Variants in MLPH observed in about 807,000 individuals in gnomAD.
MLPH encodes the protein melanophilin.
MLPH carries 51 observed loss-of-function variants against 72.1 expected under a neutral mutation model. The ratio of observed to expected loss-of-function variants is 0.71; its 90% confidence interval spans 0.56 to 0.89. MLPH has a LOEUF of 0.89. Ranked by LOEUF, MLPH falls within the 40% of genes least tolerant of loss-of-function variation. MLPH has a pLI of 0.00. For synonymous variants in MLPH, 301 were observed against 310.1 expected (o/e 0.97, Z 0.31); for missense variants, 743 against 759.9 (o/e 0.98, Z 0.26).
chr2:237,508,970 T>C (rs2079833422), intron 2 of MLPH, among the ~76,000 whole-genome samples: 1 of 152,220 alleles, frequency 6.6e-6, no homozygotes, highest in South Asian at 2.1e-4. Flanking sequence ...TGGAGCCACG[T>C]GCCGGGCTCT....
At chr2:237,508,553 G>T (rs1371834068) in intron 2 of MLPH, among the ~76,000 whole-genome samples, 16 of 152,170 alleles carry the variant, frequency 1.1e-4, no homozygotes, top group Admixed American at 1.0e-3. Context: ...AAAGGCAAAT[G>T]ATGTCTCAGC....
At chr2:237,517,233 AGGTAGGCGGAGGGGTGGATG>A (rs1276749580) in intron 4 of MLPH, among the ~76,000 whole-genome samples, 1 of 148,582 alleles carries the variant, frequency 6.7e-6, no homozygotes, top group East Asian at 2.1e-4. Flanking sequence ...ATGGATGGAT[AGGTAGGCGGAGGGGTGGATG>A]GGTAGGTGAA....
rs144513868 is a variant in MLPH, at chr2:237,549,319, A to G, written c.1675+41A>G. The G allele has an allele frequency of 0.02, 30,862 of 1,571,348 alleles. 384 individuals carry two copies. Among genetic ancestry groups the G allele is most frequent in the South Asian group, 0.038 (3,450 of 90,256 alleles). Reference sequence around the variant, plus strand: ...TCCCCCACCCCCATGGGCCTGGGAAATGAGCTTCGGGGAGGAAAATGACCA... The same window carrying G: ...TCCCCCACCCCCATGGGCCTGGGAAGTGAGCTTCGGGGAGGAAAATGACCA... On this transcript the variant is annotated intron_variant, in intron 14 of 15. Coordinates refer to ENST00000264605, the MANE Select transcript of MLPH (RefSeq NM_024101.7).
intron 15 of MLPH, chr2:237,553,106 T>C (rs947519975): frequency 1.3e-5 from 6 of 472,074 alleles, no homozygotes; most frequent in East Asian, 6.9e-5. Flanking sequence ...GATGAAGGAG[T>C]GGCCCCAACC....
At chr2:237,513,513 T>G (rs952141232) in intron 4 of MLPH, among the ~76,000 whole-genome samples, 2 of 152,188 alleles carry the variant, frequency 1.3e-5, no homozygotes, top group African/African-American at 4.8e-5. Flanking sequence ...GGTCAGAAAA[T>G]CTCTGTTCCA....
intron 8 of MLPH, among the ~76,000 whole-genome samples, chr2:237,531,909 GA>G (rs907744995): frequency 1.3e-5 from 2 of 150,612 alleles, no homozygotes; most frequent in East Asian, 1.9e-4. Flanking sequence ...TATTCACAGG[GA>G]AAAAAAAAGT....
chr2:237,525,588 C>G lies in MLPH; in HGVS notation c.676-13C>G. 6.2e-7 allele frequency: 1 copy of G among 1,613,868 alleles called. No homozygotes were observed. The highest frequency in any genetic ancestry group is 8.5e-7 in the Non-Finnish European group (1 of 1,179,824). ...AAACCCTGCAGAGGAGGCTGACAGC[C>G]CCATGTGCTTAGTCCCTCACAGATG... On this transcript the variant is annotated splice_polypyrimidine_tract_variant and intron_variant, in intron 6 of 15. Transcript: ENST00000264605.
intron 4 of MLPH, among the ~76,000 whole-genome samples, chr2:237,516,038 A>T (rs1574857282): frequency 6.6e-6 from 1 of 152,228 alleles, no homozygotes; most frequent in African/African-American, 2.4e-5. Flanking sequence ...TTTGCAGTTG[A>T]CAATGCACAC....
intron 5 of MLPH, among the ~76,000 whole-genome samples, chr2:237,519,285 A>G (rs897915520): frequency 2.0e-5 from 3 of 152,076 alleles, no homozygotes; most frequent in Non-Finnish European, 2.9e-5. Flanking sequence ...AGTGACATTC[A>G]ACATGAACCA....
chr2:237,545,784 C>T (rs772551502), intron 12 of MLPH: 6 of 490,062 alleles, frequency 1.2e-5, no homozygotes, highest in Admixed American at 4.7e-5. Context: ...TACAGGATGC[C>T]CAGTTAGCTC....
At chr2:237,520,315 G>A (rs1026016453) in intron 6 of MLPH, among the ~76,000 whole-genome samples, 6 of 152,150 alleles carry the variant, frequency 3.9e-5, no homozygotes, top group African/African-American at 1.2e-4. Flanking sequence ...CCCAGGGATC[G>A]GTGCTTGGGA....
At chr2:237,497,980 T>C (rs2079569816) in intron 2 of MLPH, among the ~76,000 whole-genome samples, 1 of 152,164 alleles carries the variant, frequency 6.6e-6, no homozygotes, top group South Asian at 2.1e-4. Context: ...CAGTTTCCCA[T>C]GTGTCTCACA....
At chr2:237,511,191 T>C (rs2079893880) in intron 4 of MLPH, 90 bp downstream of exon 4, 1 of 980,866 alleles carries the variant, frequency 1.0e-6, no homozygotes. Flanking sequence ...TGTGTGTGTG[T>C]ACGTGTGTGT....
At chr2:237,538,302 T>A (rs2080583115) in intron 9 of MLPH, among the ~76,000 whole-genome samples, 1 of 152,246 alleles carries the variant, frequency 6.6e-6, no homozygotes, top group Non-Finnish European at 1.5e-5. Context: ...CAATGATGTG[T>A]TACTGTGCAC....
Position 237,540,865 on chromosome 2 carries a change from G to A in MLPH, c.1354G>A (p.Val452Ile), listed in dbSNP as rs544688545. The change falls in exon 11 of 16, where the codon GTC (valine) becomes ATC (isoleucine). Residue 452 changes from valine (V) to isoleucine (I), a missense_variant. Physicochemically the swap from Val to Ile is conservative, Grantham distance 29. Coordinates refer to ENST00000264605, the MANE Select transcript of MLPH (RefSeq NM_024101.7). Reference sequence around the variant, plus strand: ...AAGCCCCCAGGACCCTGGGGACCCCGTCCAGTACAACAGGACCACAGATGA... The same window carrying A: ...AAGCCCCCAGGACCCTGGGGACCCCATCCAGTACAACAGGACCACAGATGA... Reference protein sequence around the residue: ...EKSPQDPGDPVQYNRTTDEEL... With the variant: ...EKSPQDPGDPIQYNRTTDEEL... The A allele has an allele frequency of 5.2e-5, 84 of 1,613,340 alleles. 1 individual carries two copies. Among genetic ancestry groups the A allele is most frequent in the South Asian group, 5.2e-4 (47 of 91,046 alleles).
intron 2 of MLPH, among the ~76,000 whole-genome samples, chr2:237,508,965 C>T (rs2079833163): frequency 6.6e-6 from 1 of 152,194 alleles, no homozygotes; most frequent in Admixed American, 6.5e-5. Context: ...TAAATTGGAG[C>T]CACGTGCCGG....
intron 4 of MLPH, among the ~76,000 whole-genome samples, chr2:237,515,295 G>A (rs1349636340): frequency 1.3e-5 from 2 of 152,310 alleles, no homozygotes; most frequent in Middle Eastern, 3.4e-3. Context: ...GATTGATTGA[G>A]TACATCCGCC....
intron 8 of MLPH, among the ~76,000 whole-genome samples, chr2:237,529,053 A>AT (rs1265164795): frequency 2.0e-5 from 3 of 151,780 alleles, no homozygotes; most frequent in Non-Finnish European, 2.9e-5. Context: ...TATTATTATT[A>AT]TTTTTTTTAG....
Position 237,511,121 on chromosome 2 carries a change from A to G in MLPH, c.445+20A>G. The G allele has an allele frequency of 6.3e-7, 1 of 1,595,918 alleles. No homozygotes were observed. The highest frequency in any genetic ancestry group is 8.6e-7 in the Non-Finnish European group (1 of 1,163,936). On this transcript the variant is annotated intron_variant, in intron 4 of 15. Transcript: ENST00000264605. Reference sequence around the variant, plus strand: ...GTGGAGGTAAGGAGTGGAGAGTAAGAACGGCTTTTTGTTCCCAGGCATTTT... The same window carrying G: ...GTGGAGGTAAGGAGTGGAGAGTAAGGACGGCTTTTTGTTCCCAGGCATTTT...
Sources: allele counts gnomAD v4.1 joint callset (sites outside exome capture counted in the v4.1 genomes callset), GRCh38; gene constraint gnomAD v4.1.1; transcripts MANE v1.5; gene names NCBI Gene and HGNC (gene_info 2026-07-23, HGNC 2026-07-21).